Variants in C5 observed in about 807,000 individuals in gnomAD.
C5 encodes the protein complement C5.
C5 carries 140 observed loss-of-function variants against 218.8 expected under a neutral mutation model. The observed-to-expected ratio is 0.64, with a 90% CI of 0.56 to 0.74. The LOEUF is 0.74. C5 is among the 30% of genes least tolerant of loss of function. The pLI, the probability that C5 is intolerant of heterozygous loss-of-function variation, is 0.00. For missense variants in C5, 1,700 were observed against 1,969.6 expected, an observed-to-expected ratio of 0.86 and a Z score of 2.59; for synonymous variants, 614 against 682.3, an observed-to-expected ratio of 0.90 and a Z score of 1.56.
intron 2 of C5, among the ~76,000 whole-genome samples, chr9:121,045,643 C>G (rs779291111): frequency 3.3e-5 from 5 of 152,054 alleles, no homozygotes; most frequent in Non-Finnish European, 7.4e-5. Context: ...AAGTATGTCT[C>G]TAAGCAATCT....
chr9:120,995,077 T>C (rs975135536), intron 22 of C5, among the ~76,000 whole-genome samples: 2 of 152,116 alleles, frequency 1.3e-5, no homozygotes, highest in Admixed American at 1.3e-4. Context: ...GAAGAAAAAA[T>C]TGGAGAAACA....
Position 121,020,115 on chromosome 9 carries a change from G to A in C5, c.1367C>T (p.Ala456Val). 6.2e-7 allele frequency: 1 copy of A among 1,613,828 alleles called. No individual in the cohort carries two copies. The highest frequency in any genetic ancestry group is 8.5e-7 in the Non-Finnish European group (1 of 1,179,748). ...NQAREGYRAI[A>V]YSSLSQSYLY... ...GTAACTTTGGCTGAGAGATGAGTAT[G>A]CTATTGCTCGGTAACCTTCCCTGGC... The change falls in exon 12 of 41, where the codon GCA becomes GTA. Residue 456 changes from alanine to valine, a missense_variant. Physicochemically the swap from Ala to Val is moderately conservative, Grantham distance 64 (BLOSUM62 0). Coordinates refer to ENST00000223642, the MANE Select transcript of C5 (RefSeq NM_001735.3).
chr9:120,973,185 C>T (rs1055954146), intron 30 of C5, among the ~76,000 whole-genome samples: 7 of 152,124 alleles, frequency 4.6e-5, no homozygotes, highest in Admixed American at 1.3e-4. Context: ...TAATAACAGC[C>T]CAGGTTTTAC....
chr9:121,045,644 T>C (rs2047620453), intron 2 of C5, among the ~76,000 whole-genome samples: 1 of 152,180 alleles, frequency 6.6e-6, no homozygotes, highest in South Asian at 2.1e-4. Flanking sequence ...AGTATGTCTC[T>C]AAGCAATCTA....
At chr9:120,961,336 G>A (rs2046825824) in intron 37 of C5, 146 bp downstream of exon 37, 4 of 681,792 alleles carry the variant, frequency 5.9e-6, no homozygotes, top group Non-Finnish European at 1.1e-5. Context: ...CAATGCTCAA[G>A]GAATCATTAG....
intron 14 of C5, among the ~76,000 whole-genome samples, chr9:121,016,766 A>C (rs1282466223): frequency 6.6e-6 from 1 of 152,220 alleles, no homozygotes; most frequent in Non-Finnish European, 1.5e-5. Context: ...GTTGCTTTAA[A>C]AGCACAACTT....
At chr9:120,989,962 A>C (rs1049806458) in intron 23 of C5, among the ~76,000 whole-genome samples, 182 bp from the exon 24 acceptor site, 18 of 144,510 alleles carry the variant, frequency 1.2e-4, no homozygotes, top group Admixed American at 2.1e-4. Flanking sequence ...TGAAAGAAAC[A>C]AAAAAAAAAA....
chr9:120,961,757 C>T (rs923742307), intron 36 of C5, among the ~76,000 whole-genome samples, 192 bp from the exon 37 acceptor site: 4 of 152,152 alleles, frequency 2.6e-5, no homozygotes, highest in Non-Finnish European at 5.9e-5. Context: ...AGAAAGATCT[C>T]CCCTTTTTCA....
intron 31 of C5, among the ~76,000 whole-genome samples, chr9:120,971,626 A>C (rs2046914256): frequency 6.6e-6 from 1 of 152,124 alleles, no homozygotes; most frequent in South Asian, 2.1e-4. Context: ...TTTAGTACAG[A>C]CGGGGTTTCA....
intron 3 of C5, among the ~76,000 whole-genome samples, chr9:121,041,097 C>T (rs2047575130): frequency 6.6e-6 from 1 of 151,206 alleles, no homozygotes; most frequent in South Asian, 2.1e-4. Flanking sequence ...GCGTGCACCA[C>T]CACATCCAGC....
chr9:121,018,472 G>T (rs2047328509), intron 12 of C5, among the ~76,000 whole-genome samples: 1 of 151,200 alleles, frequency 6.6e-6, no homozygotes, highest in Admixed American at 6.6e-5. Context: ...TACTCGGAAG[G>T]CTGAGGCAGG....
At chr9:121,054,326 G>A (rs562865150), upstream of C5, among the ~76,000 whole-genome samples, 11 of 152,168 alleles carry the variant, frequency 7.2e-5, no homozygotes, top group Non-Finnish European at 1.2e-4. Context: ...TAGTCCGGGC[G>A]TGGTGGCTCA....
In C5 at chr9:121,017,408, C is replaced by A. The variant is rs1464756559; in HGVS notation, c.1820G>T (p.Ser607Ile). 1.2e-6 allele frequency: 2 copies of A among 1,613,994 alleles called. No homozygotes were observed. Among genetic ancestry groups the A allele is most frequent in the Non-Finnish European group, 1.7e-6 (2 of 1,179,950 alleles). The change falls in exon 14 of 41, where the codon AGT (serine) becomes ATT (isoleucine). Residue 607 changes from serine (S) to isoleucine (I), a missense_variant. Coordinates refer to ENST00000223642, the MANE Select transcript of C5 (RefSeq NM_001735.3). ...TCCTCTTTGGACTCCATACACAGCA[C>A]TGTCCACTGCTGCTAATGCCACCCA... ...DSWVALAAVD[S>I]AVYGVQRGAK...
At chr9:120,993,434 T>TAC in intron 22 of C5, among the ~76,000 whole-genome samples, 1 of 152,184 alleles carries the variant, frequency 6.6e-6, no homozygotes, top group East Asian at 1.9e-4. Context: ...TATATATATA[T>TAC]ATTTTTGAGA....
At chr9:121,002,316 GTATATATA>G (rs71370614) in intron 20 of C5, among the ~76,000 whole-genome samples, 7 of 87,406 alleles carry the variant, frequency 8.0e-5, no homozygotes, top group Admixed American at 4.0e-4. Flanking sequence ...ATATGTGTGT[GTATATATA>G]TATATATATA....
At chr9:121,022,159 T>C (rs1163006707) in intron 10 of C5, among the ~76,000 whole-genome samples, 1 of 152,188 alleles carries the variant, frequency 6.6e-6, no homozygotes, top group Non-Finnish European at 1.5e-5. Context: ...TCTTCTGCTA[T>C]CTAACTTCTG....
In C5 at chr9:121,029,903, A is replaced by G. The variant is rs2047459322; in HGVS notation, c.758+494T>C. Among the ~76,000 whole-genome samples the G allele has an allele frequency of 2.0e-5, 3 of 152,222 alleles. No homozygotes were observed. The South Asian group carries it at 6.2e-4, about 31-fold the overall frequency. On this transcript the variant is annotated intron_variant, in intron 7 of 40. Transcript: ENST00000223642. ...CATATGGACAGGACCTTCCTAGACC[A>G]GCCAGCCCCCAGCTGACCTACCAAC...
intron 14 of C5, 131 bp downstream of exon 14, chr9:121,017,231 A>C: frequency 2.8e-6 from 3 of 1,064,894 alleles, no homozygotes; most frequent in Non-Finnish European, 4.2e-6. Flanking sequence ...AGGATGGTTT[A>C]CCTTCCTAAA....
the C5 span, among the ~76,000 whole-genome samples, chr9:121,058,196 A>T: frequency 6.6e-6 from 1 of 152,224 alleles, no homozygotes; most frequent in Non-Finnish European, 1.5e-5. Flanking sequence ...GTGATAATTA[A>T]CTTGCTAAAT....
Sources: allele counts gnomAD v4.1 joint callset (sites outside exome capture counted in the v4.1 genomes callset), GRCh38; gene constraint gnomAD v4.1.1; transcripts MANE v1.5; gene names NCBI Gene and HGNC (gene_info 2026-07-23, HGNC 2026-07-21).